DHX38: variants seen among roughly 807,000 people sequenced by gnomAD.
The protein encoded by DHX38 is pre-mRNA-splicing factor ATP-dependent RNA helicase PRP16.
A neutral mutation model predicts 153.1 loss-of-function variants in DHX38; 100 were observed. The observed-to-expected ratio is 0.65, with a 90% confidence interval of 0.56 to 0.77. The LOEUF (loss-of-function observed/expected upper bound fraction) is 0.77, where lower values mean the gene tolerates loss of function less well. Among genes scored for constraint, DHX38 ranks in the 30% least tolerant of loss-of-function variants. DHX38 has a pLI of 0.00. For missense variants in DHX38, 1,440 were observed against 1,654.0 expected (o/e 0.87, Z 2.24); for synonymous variants, 650 against 631.7 (o/e 1.03, Z -0.43).
At position 72,099,026 on chromosome 16, in the gene DHX38, G is replaced by A. The variant is rs773314870; in HGVS notation, c.864G>A (p.Pro288=). The part of the protein sequence containing the change: ...ADDRRHLGST[P]RLSRGRGRRE... The stretch of plus-strand genomic sequence containing the variant: ...ACAGAAGACACTTGGGGTCCACCCC[G>A]CGTCTGTCCAGGGGCCGAGGTGAGG... The change falls in exon 6 of 27, where the codon CCG becomes CCA. Residue 288 remains proline (P), a synonymous_variant. Transcript: ENST00000268482. 1.4e-5 allele frequency: 23 copies of A among 1,612,682 alleles called. No homozygotes were observed. Among genetic ancestry groups the A allele is most frequent in the East Asian group, 2.2e-5 (1 of 44,888 alleles).
rs1257281986 is a variant in DHX38 at position 72,106,045 on chromosome 16, A to G, written c.2528A>G (p.Tyr843Cys). The G allele has an allele frequency of 1.9e-6, 3 of 1,614,198 alleles. No homozygotes were observed. Among genetic ancestry groups the G allele is most frequent in the Admixed American group, 1.7e-5 (1 of 60,034 alleles). ...PRIGMDALQI[Y>C]PISQANANQR... ...ATTGGCATGGATGCTCTGCAGATCT[A>G]TCCCATTAGCCAGGCCAATGCCAAC... is the stretch of plus-strand genomic sequence containing the variant. The change falls in exon 19 of 27, where the codon TAT becomes TGT. Residue 843 changes from tyrosine (Y) to cysteine (C), a missense_variant. Coordinates refer to ENST00000268482, the MANE Select transcript of DHX38 (RefSeq NM_014003.4).
At chr16:72,109,341 C>A in intron 24 of DHX38, 74 bp from the exon 25 acceptor site, 1 of 1,531,212 alleles carries the variant, frequency 6.5e-7, no homozygotes, top group Non-Finnish European at 8.9e-7. Context: ...CCATGTGGCT[C>A]CTAATTGTGG....
chr16:72,110,785 C>T (rs1222121807), intron 25 of DHX38, among the ~76,000 whole-genome samples, 171 bp from the exon 26 acceptor site: 1 of 152,162 alleles, frequency 6.6e-6, no homozygotes, highest in Non-Finnish European at 1.5e-5. Flanking sequence ...GTGAAAAAAG[C>T]AGGCCTCAGC....
intron 11 of DHX38, among the ~76,000 whole-genome samples, chr16:72,101,916 T>C (rs2042107214): frequency 6.6e-6 from 1 of 152,142 alleles, no homozygotes; most frequent in Non-Finnish European, 1.5e-5. Context: ...GGAGTTAGGA[T>C]CAGACCCAGG....
intron 19 of DHX38, among the ~76,000 whole-genome samples, chr16:72,106,998 A>G (rs1477878121): frequency 6.6e-6 from 1 of 152,072 alleles, no homozygotes; most frequent in Non-Finnish European, 1.5e-5. Context: ...GTGAAACCCC[A>G]TCTCTACTAA....
In DHX38 at chr16:72,095,992, G is replaced by C. The variant is rs983026284; in HGVS notation, c.-19-147G>C. 5.3e-6 allele frequency: 4 copies of C among 759,862 alleles called. No individual in the cohort carries two copies. In the African/African-American group the frequency reaches 7.1e-5, roughly 13 times the overall value. The allele number at this position is 759,862 out of a possible 1,614,324, so 47.1% of individuals were successfully genotyped here. A position where few individuals can be genotyped will look rare whatever the true frequency, so the allele number is the denominator to read the frequency against. ...GAGATAGGCAGTGACTTGATGGAAA[G>C]GTCTTGGAGAGAGGGAGCAAAAGTA... On this transcript the variant is annotated intron_variant, in intron 1 of 26. Coordinates refer to ENST00000268482, the MANE Select transcript of DHX38 (RefSeq NM_014003.4).
intron 3 of DHX38, chr16:72,097,240 A>G: frequency 2.2e-6 from 1 of 460,500 alleles, no homozygotes; most frequent in Non-Finnish European, 3.8e-6. Context: ...TTTATTATGA[A>G]AATTGATGAT....
Position 72,104,485 on chromosome 16 carries a change from G to C in DHX38, c.2011-1G>C. 1 of 1,613,822 alleles carries C rather than the reference G, an allele frequency of 6.2e-7. No individual in the cohort carries two copies. The highest frequency in any genetic ancestry group is 8.5e-7 in the Non-Finnish European group (1 of 1,180,022). ...GGCCTCCGAGCCGCCTCTTCTCTCA[G>C]GTAGTGGCTCGGCGCTCAGACCTGA... On this transcript the variant is annotated splice_acceptor_variant, in intron 14 of 26. Transcript: ENST00000268482. LOFTEE classifies it high-confidence loss of function. The surrounding 1 kb of genome is among the most constrained non-coding windows in gnomAD (Gnocchi z 4.5).
chr16:72,103,665 G>T lies in DHX38; in HGVS notation c.1701G>T (p.Gln567His). 1 of 1,614,092 alleles carries T rather than the reference G, an allele frequency of 6.2e-7. No homozygotes were observed. Among genetic ancestry groups the T allele is most frequent in the Non-Finnish European group, 8.5e-7 (1 of 1,179,948 alleles). The change falls in exon 13 of 27, where the codon CAG becomes CAT. Residue 567 changes from glutamine to histidine, a missense_variant. By Grantham distance (24) the Gln-to-His change is conservative (BLOSUM62 0). Around this residue, in one of 6 missense-constraint regions of DHX38, gnomAD observed 241 missense variants for 229.5 expected, o/e 1.05. Coordinates refer to ENST00000268482, the MANE Select transcript of DHX38 (RefSeq NM_014003.4). ...GTGGTAAGACCACTCAGCTGACGCA[G>T]TACCTGCATGAAGATGGTTACACGG... is the stretch of plus-strand genomic sequence containing the variant. Reference protein sequence around the residue: ...TGSGKTTQLTQYLHEDGYTDY... With the variant: ...TGSGKTTQLTHYLHEDGYTDY...
intron 1 of DHX38, among the ~76,000 whole-genome samples, 178 bp from the exon 2 acceptor site, chr16:72,095,961 T>C (rs1407725756): frequency 1.3e-5 from 2 of 151,762 alleles, no homozygotes; most frequent in African/African-American, 2.4e-5. Flanking sequence ...AATAGGAGAA[T>C]CTTTGGAGAT....
intron 11 of DHX38, among the ~76,000 whole-genome samples, 178 bp from the exon 12 acceptor site, chr16:72,102,896 C>T (rs2042119641): frequency 6.6e-6 from 1 of 152,202 alleles, no homozygotes; most frequent in Non-Finnish European, 1.5e-5. Context: ...GATGGATTCT[C>T]AAGTAGCAGT....
intron 25 of DHX38, among the ~76,000 whole-genome samples, chr16:72,110,682 G>A (rs2042243881): frequency 1.3e-5 from 2 of 152,184 alleles, no homozygotes; most frequent in African/African-American, 4.8e-5. Context: ...TAGCATAGTT[G>A]TGAACTTGAT....
chr16:72,098,961 C>G lies in DHX38; in HGVS notation c.799C>G (p.Leu267Val). The change falls in exon 6 of 27, where the codon CTG becomes GTG. Residue 267 changes from leucine to valine, a missense_variant. Physicochemically the swap from Leu to Val is conservative, Grantham distance 32. Coordinates refer to ENST00000268482, the MANE Select transcript of DHX38 (RefSeq NM_014003.4). Reference protein sequence around the residue: ...VRGKYSDDTPLPTPSYKYNEW... With the variant: ...VRGKYSDDTPVPTPSYKYNEW... ...GGGCAAGTACTCGGATGACACGCCT[C>G]TGCCAACTCCCTCCTACAAATATAA... 5.0e-6 allele frequency: 8 copies of G among 1,614,158 alleles called. No individual in the cohort carries two copies. Among genetic ancestry groups the G allele is most frequent in the Non-Finnish European group, 6.8e-6 (8 of 1,180,046 alleles).
At chr16:72,110,730 T>C (rs1363241888) in intron 25 of DHX38, among the ~76,000 whole-genome samples, 1 of 152,244 alleles carries the variant, frequency 6.6e-6, no homozygotes, top group Non-Finnish European at 1.5e-5. Flanking sequence ...CTTCCTGGAC[T>C]GAGGGATGAC....
chr16:72,099,591 G>A, intron 7 of DHX38, 141 bp from the exon 8 acceptor site: 1 of 1,135,158 alleles, frequency 8.8e-7, no homozygotes, highest in East Asian at 2.6e-5. Context: ...GTGTCTGCAG[G>A]GAGGCCTCTC....
chr16:72,112,380 G>C (rs374129316), intron 26 of DHX38, 33 bp from the exon 27 acceptor site: 4 of 1,600,454 alleles, frequency 2.5e-6, no homozygotes, highest in Non-Finnish European at 3.4e-6. Flanking sequence ...GTGAGGGCAC[G>C]GTGTTTCCTG....
chr16:72,103,349 C>A, intron 12 of DHX38, 138 bp downstream of exon 12: 1 of 1,239,284 alleles, frequency 8.1e-7, no homozygotes, highest in Non-Finnish European at 1.1e-6. Context: ...TGACCTCATG[C>A]CTGGGGTACA....
intron 10 of DHX38, among the ~76,000 whole-genome samples, 153 bp downstream of exon 10, chr16:72,101,346 C>G (rs1435649529): frequency 6.6e-6 from 1 of 152,180 alleles, no homozygotes; most frequent in Non-Finnish European, 1.5e-5. Context: ...GTTGGGAGAG[C>G]TGGAGGCTTG....
chr16:72,105,303 C>T lies in DHX38; in HGVS notation c.2334C>T (p.Ile778=). The T allele has an allele frequency of 6.2e-7, 1 of 1,614,222 alleles. No homozygotes were observed. Among genetic ancestry groups the T allele is most frequent in the Non-Finnish European group, 8.5e-7 (1 of 1,180,036 alleles). ...CGCCTGCCCTGGCTGTGCTGCCCAT[C>T]TACTCTCAGCTGCCTTCTGACCTCC... ...ENAPALAVLP[I]YSQLPSDLQA... is the part of the protein sequence containing the mutation. Residue 778 remains isoleucine, a synonymous_variant, in exon 17 of 27, where the codon ATC becomes ATT. Coordinates refer to ENST00000268482, the MANE Select transcript of DHX38 (RefSeq NM_014003.4).
Sources: allele counts gnomAD v4.1 joint callset (sites outside exome capture counted in the v4.1 genomes callset), GRCh38; gene constraint gnomAD v4.1.1; regional missense constraint gnomAD v4.1.1; non-coding constraint Gnocchi (gnomAD v3.1); transcripts MANE v1.5; gene names NCBI Gene and HGNC (gene_info 2026-07-23, HGNC 2026-07-21).